Variants in PHKB observed in about 807,000 individuals in gnomAD.
The protein encoded by PHKB is phosphorylase b kinase regulatory subunit beta.
A neutral mutation model predicts 152.1 loss-of-function variants in PHKB; 122 were observed. The observed-to-expected ratio is 0.80, with a 90% confidence interval of 0.69 to 0.93. The LOEUF is 0.93. Among genes scored for constraint, PHKB ranks in the 40% least tolerant of loss-of-function variants. PHKB has a pLI of 0.00. For missense variants in PHKB, 1,304 were observed against 1,328.4 expected (o/e 0.98, Z 0.29); for synonymous variants, 436 against 464.9 (o/e 0.94, Z 0.80).
chr16:47,492,911 A>G (rs1206686133), intron 1 of PHKB, among the ~76,000 whole-genome samples: 1 of 152,218 alleles, frequency 6.6e-6, no homozygotes, highest in Non-Finnish European at 1.5e-5. Flanking sequence ...CTTGTCACAC[A>G]ACCATGAGAG....
chr16:47,596,413 C>T lies in PHKB; in HGVS notation c.1245C>T (p.Asp415=). ...CAAAGTACTATTATGTGCCAGCTGA[C>T]TTTGTAGAATATGAAAAAAATAACC... ...VVPKYYYVPA[D]FVEYEKNNPG... is the part of the protein sequence containing the mutation. Residue 415 remains aspartate (D), a synonymous_variant, in exon 13 of 31, where the codon GAC becomes GAT. Transcript: ENST00000323584. 6.2e-7 allele frequency: 1 copy of T among 1,611,262 alleles called. No homozygotes were observed.
chr16:47,550,538 CAGAG>C (rs1971253457), intron 7 of PHKB, among the ~76,000 whole-genome samples: 1 of 152,198 alleles, frequency 6.6e-6, no homozygotes. Context: ...TACCAGGAGT[CAGAG>C]AGAAAACAGA....
At chr16:47,472,085 A>C (rs1312153893) in intron 1 of PHKB, among the ~76,000 whole-genome samples, 2 of 152,154 alleles carry the variant, frequency 1.3e-5, no homozygotes, top group Admixed American at 6.6e-5. Context: ...TGCGAAATAC[A>C]TGTGTGTGTA....
intron 6 of PHKB, among the ~76,000 whole-genome samples, chr16:47,517,255 A>ATTT (rs1214324029): frequency 2.8e-5 from 4 of 140,444 alleles, no homozygotes; most frequent in African/African-American, 1.0e-4. Flanking sequence ...TTGTTCAGTA[A>ATTT]TTTTTTTTTT....
At chr16:47,627,525 TA>T (rs1324375584) in intron 14 of PHKB, among the ~76,000 whole-genome samples, 6 of 152,262 alleles carry the variant, frequency 3.9e-5, no homozygotes. Flanking sequence ...TTGCCTGATT[TA>T]TTCATTTGGG....
intron 26 of PHKB, among the ~76,000 whole-genome samples, chr16:47,670,222 G>A (rs1973614710): frequency 6.6e-6 from 1 of 152,152 alleles, no homozygotes; most frequent in Non-Finnish European, 1.5e-5. Context: ...TGATATCTGA[G>A]CTTATAGTGT....
chr16:47,623,655 G>A (rs1972658685), intron 14 of PHKB, among the ~76,000 whole-genome samples: 1 of 147,898 alleles, frequency 6.8e-6, no homozygotes, highest in Non-Finnish European at 1.5e-5. Flanking sequence ...CCGGGTTCAT[G>A]TGATTCTCCT....
chr16:47,463,670 A>C (rs1969615906), intron 1 of PHKB: 2 of 480,952 alleles, frequency 4.2e-6, no homozygotes, highest in Non-Finnish European at 7.6e-6. Flanking sequence ...TGTAATGTCT[A>C]ATAAGTGGAT....
At chr16:47,539,926 AAAG>A (rs1162473866) in intron 6 of PHKB, among the ~76,000 whole-genome samples, 2 of 152,346 alleles carry the variant, frequency 1.3e-5, no homozygotes, top group East Asian at 3.9e-4. Flanking sequence ...GCACCTTGAA[AAAG>A]AACAGAATAA....
chr16:47,618,597 G>A (rs998627043), intron 14 of PHKB, among the ~76,000 whole-genome samples: 1 of 152,138 alleles, frequency 6.6e-6, no homozygotes, highest in Admixed American at 6.5e-5. Context: ...TATGTTGTCT[G>A]AGAAAGTCAT....
At position 47,654,718 on chromosome 16, in the gene PHKB, C is replaced by G. The variant is rs1004161319; in HGVS notation, c.1971+3797C>G. 6.0e-5 allele frequency among the ~76,000 whole-genome samples: 9 copies of G among 150,834 alleles called. 1 individual carries two copies. Among genetic ancestry groups the G allele is most frequent in the Admixed American group, 4.6e-4 (7 of 15,056 alleles). On this transcript the variant is annotated intron_variant, in intron 20 of 30. Transcript: ENST00000323584. Reference sequence around the variant, plus strand: ...ATCGCAAGGACGGAAAACCGAACACCACATGTTCTCACTCATAGGTGCGAA... The same window carrying G: ...ATCGCAAGGACGGAAAACCGAACACGACATGTTCTCACTCATAGGTGCGAA...
At chr16:47,552,750 G>A (rs527626480) in intron 7 of PHKB, among the ~76,000 whole-genome samples, 4 of 151,920 alleles carry the variant, frequency 2.6e-5, no homozygotes, top group Non-Finnish European at 5.9e-5. Context: ...TCAAGAGGCA[G>A]AGTTTGTGGT....
intron 14 of PHKB, among the ~76,000 whole-genome samples, chr16:47,631,599 G>C (rs995227471): frequency 2.0e-5 from 3 of 152,114 alleles, no homozygotes; most frequent in Non-Finnish European, 4.4e-5. Flanking sequence ...ATCTACATTA[G>C]GTATTTCTCC....
chr16:47,477,449 G>A (rs544137272), intron 1 of PHKB, among the ~76,000 whole-genome samples: 1 of 152,048 alleles, frequency 6.6e-6, no homozygotes, highest in Non-Finnish European at 1.5e-5. Flanking sequence ...ACTATGTGTT[G>A]TCTAATAATT....
chr16:47,506,864 T>C (rs1970428635), intron 4 of PHKB, among the ~76,000 whole-genome samples: 2 of 152,138 alleles, frequency 1.3e-5, no homozygotes, highest in African/African-American at 4.8e-5. Flanking sequence ...TTTAAGAAAG[T>C]TTACGAATCT....
At chr16:47,565,644 T>A in intron 7 of PHKB, 1 of 1,148,662 alleles carries the variant, frequency 8.7e-7, no homozygotes. Context: ...CTGTGATGAC[T>A]CACTTCCTGT....
intron 6 of PHKB, among the ~76,000 whole-genome samples, chr16:47,516,536 CTG>C (rs1197626032): frequency 1.3e-5 from 2 of 152,118 alleles, no homozygotes; most frequent in Admixed American, 1.3e-4. Context: ...AGTGAGAACT[CTG>C]TGAAAGGGTA....
chr16:47,524,607 A>T (rs188433718), intron 6 of PHKB, among the ~76,000 whole-genome samples: 1 of 152,282 alleles, frequency 6.6e-6, no homozygotes, highest in East Asian at 1.9e-4. Flanking sequence ...TGTATCTACT[A>T]AAAATACAAA....
At chr16:47,638,841 A>G (rs905728418) in intron 14 of PHKB, among the ~76,000 whole-genome samples, 6 of 152,226 alleles carry the variant, frequency 3.9e-5, no homozygotes, top group African/African-American at 1.4e-4. Context: ...GAGTATGTGT[A>G]TATACGTGTG....
Sources: allele counts gnomAD v4.1 joint callset (sites outside exome capture counted in the v4.1 genomes callset), GRCh38; gene constraint gnomAD v4.1.1; transcripts MANE v1.5; gene names NCBI Gene and HGNC (gene_info 2026-07-23, HGNC 2026-07-21).